The following PTPRK variants were observed in gnomAD, a reference collection of about 807,000 sequenced individuals.
PTPRK encodes receptor-type tyrosine-protein phosphatase kappa.
In PTPRK, 75 loss-of-function variants were observed where a neutral mutation model predicts 178.0. That is an observed-to-expected ratio of 0.42 (90% CI 0.35 to 0.51). The LOEUF (loss-of-function observed/expected upper bound fraction) is 0.51, where lower values mean the gene tolerates loss of function less well. PTPRK is among the 20% of genes least tolerant of loss of function. PTPRK has a pLI of 0.02. For synonymous variants in PTPRK, 637 were observed against 620.6 expected, an observed-to-expected ratio of 1.03 and a Z score of -0.39; for missense variants, 1,441 against 1,797.8, an observed-to-expected ratio of 0.80 and a Z score of 3.59.
intron 1 of PTPRK, among the ~76,000 whole-genome samples, chr6:128,506,801 G>C (rs1182915777): frequency 6.6e-6 from 1 of 151,508 alleles, no homozygotes; most frequent in African/African-American, 2.4e-5. Flanking sequence ...TCAGCATATT[G>C]AGCTGATTTA....
intron 7 of PTPRK, among the ~76,000 whole-genome samples, chr6:128,124,251 C>T (rs150325789): frequency 1.2e-3 from 189 of 152,098 alleles, no homozygotes; most frequent in South Asian, 2.7e-3. Context: ...GCCATGTTGA[C>T]CAGGCTGGTC....
chr6:128,393,449 T>C (rs1167699435), intron 2 of PTPRK, among the ~76,000 whole-genome samples: 2 of 152,172 alleles, frequency 1.3e-5, no homozygotes, highest in Non-Finnish European at 2.9e-5. Context: ...ACTATAAAAA[T>C]AGCTACAATT....
chr6:128,292,704 T>C (rs1400009236), intron 3 of PTPRK, among the ~76,000 whole-genome samples: 4 of 152,088 alleles, frequency 2.6e-5, no homozygotes, highest in Non-Finnish European at 5.9e-5. Context: ...TCTTTGCCAG[T>C]CTCAGGTAAT....
chr6:128,479,511 C>T (rs1321410485), intron 1 of PTPRK, among the ~76,000 whole-genome samples: 1 of 152,034 alleles, frequency 6.6e-6, no homozygotes, highest in Non-Finnish European at 1.5e-5. Context: ...ACCAAGCTGG[C>T]ATAGGGCCTC....
chr6:128,197,184 CTT>C (rs5879879), intron 6 of PTPRK, among the ~76,000 whole-genome samples: 6 of 138,618 alleles, frequency 4.3e-5, no homozygotes, highest in Non-Finnish European at 7.7e-5. Context: ...TTGTTTTTTT[CTT>C]TTTTTTTTTT....
chr6:128,254,267 T>C (rs907095697), intron 3 of PTPRK, among the ~76,000 whole-genome samples: 4 of 152,160 alleles, frequency 2.6e-5, no homozygotes, highest in Admixed American at 1.3e-4. Context: ...AACAGTGATA[T>C]CATTAGCTAT....
intron 13 of PTPRK, among the ~76,000 whole-genome samples, chr6:128,031,666 C>G (rs1479095377): frequency 6.6e-6 from 1 of 152,180 alleles, no homozygotes; most frequent in East Asian, 1.9e-4. Context: ...GCTCCTTTCC[C>G]CTAACAACCC....
chr6:128,117,691 C>T (rs1200596768), intron 7 of PTPRK, among the ~76,000 whole-genome samples: 2 of 152,072 alleles, frequency 1.3e-5, no homozygotes, highest in African/African-American at 4.8e-5. Context: ...CTTACTCTGT[C>T]GCCCAGGCTG....
intron 7 of PTPRK, among the ~76,000 whole-genome samples, chr6:128,134,532 G>A (rs946254981): frequency 2.6e-5 from 4 of 152,086 alleles, no homozygotes; most frequent in South Asian, 2.1e-4. Context: ...GCAGAGCCAG[G>A]CACAGTGGCT....
At chr6:128,436,710 C>T (rs1055077169) in intron 1 of PTPRK, among the ~76,000 whole-genome samples, 8 of 151,890 alleles carry the variant, frequency 5.3e-5, no homozygotes, top group Non-Finnish European at 8.8e-5. Context: ...CCAAGATCAC[C>T]GGATAGGAAA....
intron 2 of PTPRK, among the ~76,000 whole-genome samples, chr6:128,371,628 T>C (rs923828671): frequency 3.3e-5 from 5 of 152,188 alleles, no homozygotes; most frequent in African/African-American, 1.2e-4. Flanking sequence ...TCTAAGATAC[T>C]GAAAGAACCC....
chr6:128,233,836 A>T (rs913096219), intron 5 of PTPRK, among the ~76,000 whole-genome samples: 28 of 152,214 alleles, frequency 1.8e-4, no homozygotes, highest in African/African-American at 4.6e-4. Context: ...TGGTGCCACC[A>T]AATCTACCCA....
At chr6:128,216,474 G>A (rs1186751602) in intron 6 of PTPRK, among the ~76,000 whole-genome samples, 1 of 151,710 alleles carries the variant, frequency 6.6e-6, no homozygotes, top group East Asian at 1.9e-4. Flanking sequence ...GGCAGAGGGG[G>A]CAGTAAGCCG....
intron 6 of PTPRK, among the ~76,000 whole-genome samples, chr6:128,199,677 C>T (rs949935416): frequency 8.5e-5 from 13 of 152,120 alleles, no homozygotes; most frequent in South Asian, 2.1e-4. Context: ...GGCCAACCCC[C>T]GCAAGGGCCA....
chr6:128,103,443 C>G (rs1789129915), intron 7 of PTPRK, among the ~76,000 whole-genome samples: 1 of 152,166 alleles, frequency 6.6e-6, no homozygotes, highest in Non-Finnish European at 1.5e-5. Context: ...AACATACCCA[C>G]TGGGGCTTCA....
chr6:128,039,593 A>T (rs1368699139), intron 13 of PTPRK, among the ~76,000 whole-genome samples: 1 of 152,228 alleles, frequency 6.6e-6, no homozygotes, highest in African/African-American at 2.4e-5. Context: ...TAAATTCTAA[A>T]TTATAGGAAA....
chr6:127,996,881 A>C lies in PTPRK; in HGVS notation c.2767+20T>G, dbSNP rs764776915. The C allele has an allele frequency of 4.4e-6, 7 of 1,603,224 alleles. No homozygotes were observed. In the South Asian group the frequency reaches 7.8e-5, roughly 18 times the overall value. On this transcript the variant is annotated intron_variant, in intron 17 of 29. Coordinates refer to ENST00000368226, the MANE Select transcript of PTPRK (RefSeq NM_002844.4). ...AAGCATATAATATTTACATTCACCA[A>C]GAATTGAATGGGAACTTACATGCTA...
intron 1 of PTPRK, among the ~76,000 whole-genome samples, chr6:128,478,657 T>C (rs1033403268): frequency 6.6e-6 from 1 of 152,254 alleles, no homozygotes; most frequent in South Asian, 2.1e-4. Flanking sequence ...AAGATGACGA[T>C]GCCTTGGGTG....
At chr6:128,315,651 A>T (rs1334566450) in intron 3 of PTPRK, among the ~76,000 whole-genome samples, 1 of 152,156 alleles carries the variant, frequency 6.6e-6, no homozygotes, top group Admixed American at 6.5e-5. Context: ...GAATAATTAG[A>T]TTCTATGTAA....
Sources: gnomAD v4.1 joint callset for allele counts (sites outside exome capture counted in the v4.1 genomes callset) on GRCh38, gnomAD v4.1.1 for gene constraint, MANE v1.5 for transcripts, NCBI Gene and HGNC (gene_info 2026-07-23, HGNC 2026-07-21) for gene names.